MXRA7: variants seen among roughly 807,000 people sequenced by gnomAD.
The protein encoded by MXRA7 is matrix remodeling associated 7.
In MXRA7, 18 loss-of-function variants were observed where a neutral mutation model predicts 17.4. The ratio of observed to expected loss-of-function variants is 1.03; its 90% CI spans 0.71 to 1.53. MXRA7 has a LOEUF of 1.53. Ranked by LOEUF, MXRA7 falls within the 40% of genes most tolerant of loss-of-function variation. The probability of loss-of-function intolerance (pLI) is 0.00; values close to 1 mark genes in which losing one functional copy is unlikely to be tolerated. For missense variants in MXRA7, 141 were observed against 209.3 expected (o/e 0.67, Z 2.01); for synonymous variants, 70 against 101.7 (o/e 0.69, Z 1.87).
At chr17:76,691,011 G>A (rs891987824) in intron 1 of MXRA7, among the ~76,000 whole-genome samples, 1 of 152,196 alleles carries the variant, frequency 6.6e-6, no homozygotes, top group Non-Finnish European at 1.5e-5. Flanking sequence ...GGTGACAGGA[G>A]TGTCTTTTGT....
At chr17:76,697,975 G>A (rs2076550606) in intron 1 of MXRA7, among the ~76,000 whole-genome samples, 1 of 152,094 alleles carries the variant, frequency 6.6e-6, no homozygotes, top group African/African-American at 2.4e-5. Context: ...GGGAGAGAGA[G>A]TGATAGAGAC....
chr17:76,706,317 ATCACAAAGGACCACG>A (rs2076658442), intron 1 of MXRA7, among the ~76,000 whole-genome samples: 3 of 51,288 alleles, frequency 5.8e-5, no homozygotes, highest in Admixed American at 2.2e-4. Context: ...CCACGCTGCC[ATCACAAAGGACCACG>A]CTGCCATCAC....
chr17:76,690,372 C>T (rs1425376713), intron 1 of MXRA7, among the ~76,000 whole-genome samples: 1 of 151,636 alleles, frequency 6.6e-6, no homozygotes, highest in African/African-American at 2.4e-5. Context: ...TCCAAAGACC[C>T]CATTTTTTCT....
chr17:76,690,065 C>A (rs2076462694), intron 1 of MXRA7: 1 of 148,442 alleles, frequency 6.7e-6, no homozygotes, highest in Non-Finnish European at 1.5e-5. Context: ...ATGAAAAGTA[C>A]ATCAAGATAA....
chr17:76,701,346 C>T (rs961523889), intron 1 of MXRA7, among the ~76,000 whole-genome samples: 1 of 148,352 alleles, frequency 6.7e-6, no homozygotes, highest in African/African-American at 2.5e-5. Flanking sequence ...TTGGTCTGAG[C>T]AGCTGAGCGT....
chr17:76,699,411 G>C (rs937012404), intron 1 of MXRA7, among the ~76,000 whole-genome samples: 3 of 152,182 alleles, frequency 2.0e-5, no homozygotes, highest in Non-Finnish European at 2.9e-5. Flanking sequence ...TTCCCAAAGT[G>C]CTGGGATTAC....
At chr17:76,708,621 G>A (rs74419749) in intron 1 of MXRA7, among the ~76,000 whole-genome samples, 3,290 of 152,156 alleles carry the variant, frequency 0.022, 118 homozygotes, top group East Asian at 0.13. Context: ...TCACTGACTC[G>A]AAGCTCATCA....
At chr17:76,697,733 G>A (rs1398765441) in intron 1 of MXRA7, among the ~76,000 whole-genome samples, 1 of 152,212 alleles carries the variant, frequency 6.6e-6, no homozygotes, top group Non-Finnish European at 1.5e-5. Context: ...TAGGACCAGG[G>A]TGCCCCGGAG....
rs1567975418 is a variant in MXRA7, at chr17:76,680,283, G to A, written c.*584C>T. ...AAGGGGAATGGTCAAGTAAATTCCT[G>A]GTACTGGTTCTTTGCTGCCCTGTAA... On this transcript the variant is annotated 3_prime_UTR_variant, in exon 4 of 4. Transcript: ENST00000449428. 1.5e-5 allele frequency: 15 copies of A among 981,904 alleles called. No homozygotes were observed. The highest frequency in any genetic ancestry group is 1.8e-5 in the Non-Finnish European group (15 of 827,042). The allele number at this position is 981,904 out of a possible 1,614,324, so 60.8% of individuals were successfully genotyped here. A position where few individuals can be genotyped will look rare whatever the true frequency, so the allele number is the denominator to read the frequency against.
downstream of MXRA7, among the ~76,000 whole-genome samples, chr17:76,679,371 A>C (rs759944212): frequency 6.6e-6 from 1 of 152,050 alleles, no homozygotes; most frequent in Non-Finnish European, 1.5e-5. Context: ...AGCACAATCC[A>C]TATGTCCCTG....
chr17:76,678,532 C>G (rs1440495406), downstream of MXRA7, among the ~76,000 whole-genome samples: 3 of 152,208 alleles, frequency 2.0e-5, no homozygotes, highest in Non-Finnish European at 4.4e-5. Context: ...TGCTCCTCAG[C>G]CCAGCCGGGC....
chr17:76,685,847 C>T (rs528097354), intron 2 of MXRA7, among the ~76,000 whole-genome samples: 26 of 152,304 alleles, frequency 1.7e-4, no homozygotes, highest in South Asian at 4.1e-4. Context: ...ACATGAGCCA[C>T]GGTGAGGAGA....
chr17:76,685,035 G>A, intron 3 of MXRA7, 37 bp downstream of exon 3: 1 of 1,577,676 alleles, frequency 6.3e-7, no homozygotes, highest in Non-Finnish European at 8.7e-7. Flanking sequence ...CCTCCCCCAA[G>A]AGCCCGCCAG....
At chr17:76,679,305 G>A (rs1349593705), downstream of MXRA7, among the ~76,000 whole-genome samples, 9 of 94,032 alleles carry the variant, frequency 9.6e-5, no homozygotes, top group Admixed American at 2.1e-4. Context: ...AAAAAAAAAA[G>A]AAGAAGAAGA....
chr17:76,707,517 T>C (rs1010994559), intron 1 of MXRA7, among the ~76,000 whole-genome samples: 3 of 152,084 alleles, frequency 2.0e-5, no homozygotes, highest in African/African-American at 7.3e-5. Context: ...TTGGCCAGGT[T>C]GGTCTCGAAC....
intron 1 of MXRA7, among the ~76,000 whole-genome samples, chr17:76,694,271 C>T (rs915490701): frequency 1.3e-5 from 2 of 152,102 alleles, no homozygotes; most frequent in African/African-American, 2.4e-5. Flanking sequence ...CTGAGAACCG[C>T]TCCATTCCAA....
chr17:76,682,921 G>C (rs1395875123), intron 3 of MXRA7, among the ~76,000 whole-genome samples: 1 of 152,220 alleles, frequency 6.6e-6, no homozygotes. Context: ...TGGGTTGGTG[G>C]TCTAGAGACC....
chr17:76,680,439 T>C lies in MXRA7; in HGVS notation c.*428A>G. 1.0e-6 allele frequency: 1 copy of C among 988,754 alleles called. No homozygotes were observed. Among genetic ancestry groups the C allele is most frequent in the Non-Finnish European group, 1.2e-6 (1 of 832,268 alleles). The allele number at this position is 988,754 out of a possible 1,614,324, so 61.2% of individuals were successfully genotyped here. ...TGAGCTCTACCTCATTTGTCTCTCA[T>C]TCCTCAAAGTCTTCTGTGGTTTGGC... is the stretch of plus-strand genomic sequence containing the variant. On this transcript the variant is annotated 3_prime_UTR_variant, in exon 4 of 4. Coordinates refer to ENST00000449428, the MANE Select transcript of MXRA7 (RefSeq NM_198530.4).
At chr17:76,694,041 G>A (rs1055724558) in intron 1 of MXRA7, among the ~76,000 whole-genome samples, 2 of 152,122 alleles carry the variant, frequency 1.3e-5, no homozygotes, top group East Asian at 1.9e-4. Context: ...CTTGAATCCC[G>A]TGGCCCCAGT....
Sources: gnomAD v4.1 joint callset for allele counts (sites outside exome capture counted in the v4.1 genomes callset) on GRCh38, gnomAD v4.1.1 for gene constraint, MANE v1.5 for transcripts, NCBI Gene and HGNC (gene_info 2026-07-23, HGNC 2026-07-21) for gene names.